Variants in PLCL1 observed in about 807,000 individuals in gnomAD.
The protein encoded by PLCL1 is phospholipase C like 1 (inactive).
PLCL1 carries 41 observed loss-of-function variants against 84.4 expected under a neutral mutation model. The ratio of observed to expected loss-of-function variants is 0.49; its 90% CI spans 0.38 to 0.63. PLCL1 has a LOEUF of 0.63. PLCL1 is among the 30% of genes least tolerant of loss of function. The probability of loss-of-function intolerance (pLI) is 0.00; values close to 1 mark genes in which losing one functional copy is unlikely to be tolerated. For synonymous variants in PLCL1, 490 were observed against 488.3 expected (o/e 1.00, Z -0.05); for missense variants, 1,206 against 1,367.8 (o/e 0.88, Z 1.87).
At chr2:198,128,868 C>T (rs1428977532) in intron 5 of PLCL1, among the ~76,000 whole-genome samples, 1 of 152,146 alleles carries the variant, frequency 6.6e-6, no homozygotes, top group African/African-American at 2.4e-5. Context: ...AGTTGGATCT[C>T]TTTCACTGTC....
At chr2:197,939,028 A>G (rs2105772355) in intron 1 of PLCL1, among the ~76,000 whole-genome samples, 1 of 152,330 alleles carries the variant, frequency 6.6e-6, no homozygotes, top group South Asian at 2.1e-4. Flanking sequence ...TTCATAAGAA[A>G]ATAACATACC....
chr2:197,956,633 T>C (rs1211683124), intron 1 of PLCL1, among the ~76,000 whole-genome samples: 1 of 152,202 alleles, frequency 6.6e-6, no homozygotes, highest in Admixed American at 6.5e-5. Context: ...TGAGGTGGTA[T>C]ATCATTGTGG....
intron 1 of PLCL1, among the ~76,000 whole-genome samples, chr2:197,852,431 G>A (rs1418730589): frequency 6.6e-6 from 1 of 152,182 alleles, no homozygotes; most frequent in Non-Finnish European, 1.5e-5. Flanking sequence ...TCTATGCTTG[G>A]AATGGCATGG....
intron 5 of PLCL1, among the ~76,000 whole-genome samples, chr2:198,145,762 C>T (rs1159896406): frequency 6.6e-6 from 1 of 152,184 alleles, no homozygotes; most frequent in African/African-American, 2.4e-5. Flanking sequence ...TCTTCATACA[C>T]CCTAAGGAAA....
In PLCL1 at chr2:198,092,104, C is replaced by T. The variant is rs1026268580; in HGVS notation, c.2919+3043C>T. 7.2e-4 allele frequency among the ~76,000 whole-genome samples: 110 copies of T among 151,978 alleles called. 1 individual carries two copies. Among genetic ancestry groups the T allele is most frequent in the Non-Finnish European group, 1.0e-3 (69 of 67,886 alleles). On this transcript the variant is annotated intron_variant, in intron 3 of 5. Coordinates refer to ENST00000428675, the MANE Select transcript of PLCL1 (RefSeq NM_006226.4). ...CTCACCTGCCTCTTTAGTTTTACTG[C>T]CTCTCCCAACCTCACCTGCCAGTCC...
intron 1 of PLCL1, among the ~76,000 whole-genome samples, chr2:197,903,150 C>G (rs550799489): frequency 6.6e-6 from 1 of 152,070 alleles, no homozygotes. Context: ...ATTCCCCAGC[C>G]CAAGGTTGGG....
rs1445742060 is a variant in PLCL1 at position 198,147,323 on chromosome 2, C to CATT, written c.*362_*364dup. The CATT allele has an allele frequency of 6.4e-6, 1 of 157,342 alleles. No homozygotes were observed. The highest frequency in any genetic ancestry group is 1.4e-5 in the Non-Finnish European group (1 of 71,562). 9.7% of individuals were successfully genotyped at this position (157,342 alleles called of 1,614,324 possible). On this transcript the variant is annotated 3_prime_UTR_variant, in exon 6 of 6. Coordinates refer to ENST00000428675, the MANE Select transcript of PLCL1 (RefSeq NM_006226.4). ...TTCATTTAGTGAGTTATTCCTTGATCATTTTGGGACAATTGTTTTAATCTG... is the reference window on the plus strand; with the variant it reads ...TTCATTTAGTGAGTTATTCCTTGATCATTATTTTGGGACAATTGTTTTAATCTG...
At chr2:197,883,221 GAA>G in intron 1 of PLCL1, among the ~76,000 whole-genome samples, 1 of 152,162 alleles carries the variant, frequency 6.6e-6, no homozygotes, top group South Asian at 2.1e-4. Context: ...AAAGTAAAAG[GAA>G]AAAATCCTTC....
At chr2:198,130,492 TTGA>T (rs1694094769) in intron 5 of PLCL1, among the ~76,000 whole-genome samples, 1 of 152,228 alleles carries the variant, frequency 6.6e-6, no homozygotes, top group African/African-American at 2.4e-5. Context: ...TCTTTATCTC[TTGA>T]TGATCCCTGC....
rs1208291938 is a variant in PLCL1, at chr2:197,838,428, C to A, written c.240+33089C>A. ...CTCTGTAGTGGCAGAAAAATTTAGACAGCTATGATTTCCTCAGTTTTAGTG... is the reference window on the plus strand; with the variant it reads ...CTCTGTAGTGGCAGAAAAATTTAGAAAGCTATGATTTCCTCAGTTTTAGTG... On this transcript the variant is annotated intron_variant, in intron 1 of 5. Transcript: ENST00000428675. Among the ~76,000 whole-genome samples the A allele has an allele frequency of 2.6e-5, 4 of 152,160 alleles. No homozygotes were observed. The South Asian group carries it at 6.2e-4, about 24-fold the overall frequency.
intron 4 of PLCL1, among the ~76,000 whole-genome samples, chr2:198,103,179 A>T (rs927707349): frequency 4.6e-5 from 7 of 152,084 alleles, no homozygotes; most frequent in African/African-American, 1.4e-4. Flanking sequence ...TATGGTTGCC[A>T]TTGACACATC....
chr2:197,881,837 T>C (rs909327163), intron 1 of PLCL1, among the ~76,000 whole-genome samples: 1 of 152,092 alleles, frequency 6.6e-6, no homozygotes, highest in African/African-American at 2.4e-5. Context: ...CAACAATCAA[T>C]CCATCAACTC....
intron 1 of PLCL1, among the ~76,000 whole-genome samples, chr2:197,882,517 T>C (rs1687848052): frequency 6.6e-6 from 1 of 152,016 alleles, no homozygotes; most frequent in South Asian, 2.1e-4. Context: ...TCTTTTCTTT[T>C]CATTATTTTC....
intron 1 of PLCL1, among the ~76,000 whole-genome samples, chr2:197,987,819 T>G (rs768102097): frequency 1.7e-4 from 26 of 152,250 alleles, no homozygotes; most frequent in Non-Finnish European, 3.7e-4. Flanking sequence ...AGACTTAAAA[T>G]ATTTCAAACA....
At chr2:197,829,302 C>T (rs903599559) in intron 1 of PLCL1, among the ~76,000 whole-genome samples, 1 of 152,070 alleles carries the variant, frequency 6.6e-6, no homozygotes, top group African/African-American at 2.4e-5. Flanking sequence ...ATCTTGGTTA[C>T]CCAGCTAGTA....
intron 1 of PLCL1, among the ~76,000 whole-genome samples, chr2:197,812,398 A>G (rs1381718338): frequency 6.6e-6 from 1 of 152,192 alleles, no homozygotes; most frequent in African/African-American, 2.4e-5. Context: ...TGACTGAACT[A>G]ATTTACATTA....
At chr2:198,144,824 A>G (rs1447995551) in intron 5 of PLCL1, among the ~76,000 whole-genome samples, 2 of 152,134 alleles carry the variant, frequency 1.3e-5, no homozygotes, top group Non-Finnish European at 2.9e-5. Context: ...GTAACAATGA[A>G]TAGGAGTCTC....
At chr2:198,139,109 C>T (rs1408542344) in intron 5 of PLCL1, among the ~76,000 whole-genome samples, 1 of 151,918 alleles carries the variant, frequency 6.6e-6, no homozygotes, top group Non-Finnish European at 1.5e-5. Context: ...GAGCCAAGAT[C>T]GCACCATTGC....
intron 1 of PLCL1, among the ~76,000 whole-genome samples, chr2:197,916,308 C>T (rs1182845187): frequency 6.6e-6 from 1 of 152,116 alleles, no homozygotes; most frequent in East Asian, 1.9e-4. Flanking sequence ...AGTTTCTAGG[C>T]AGTGTGGATA....
Sources: gnomAD v4.1 joint callset for allele counts (sites outside exome capture counted in the v4.1 genomes callset) on GRCh38, gnomAD v4.1.1 for gene constraint, MANE v1.5 for transcripts, NCBI Gene and HGNC (gene_info 2026-07-23, HGNC 2026-07-21) for gene names.